PREX1: variants seen among roughly 807,000 people sequenced by gnomAD.
PREX1 encodes the protein phosphatidylinositol-3,4,5-trisphosphate dependent Rac exchange factor 1.
Under a neutral mutation model 198.3 loss-of-function variants are expected in PREX1, and 41 were observed. The observed-to-expected ratio is 0.21, with a 90% CI of 0.16 to 0.27. PREX1 has a LOEUF of 0.27. Ranked by LOEUF, PREX1 falls within the 10% of genes least tolerant of loss-of-function variation. The pLI, the probability that PREX1 is intolerant of heterozygous loss-of-function variation, is 1.00. For missense variants in PREX1, 1,620 were observed against 2,200.7 expected (o/e 0.74, Z 5.28); for synonymous variants, 843 against 887.2 (o/e 0.95, Z 0.89).
chr20:48,649,552 G>A lies in PREX1; in HGVS notation c.3053C>T (p.Thr1018Ile), dbSNP rs751710329. 4 of 1,605,804 alleles carry A rather than the reference G, an allele frequency of 2.5e-6. No individual in the cohort carries two copies. The South Asian group carries it at 4.4e-5, about 18-fold the overall frequency. Reference protein sequence around the residue: ...EQGHLNPMSYTQHCITTMAAP... With the variant: ...EQGHLNPMSYIQHCITTMAAP... ...AGCCATGGTGGTGATGCAGTGCTGG[G>A]TGTACGACATGGGGTTCAGGTGGCC... The change falls in exon 25 of 40, where the codon ACC becomes ATC. Residue 1018 changes from threonine (T) to isoleucine (I), a missense_variant. By Grantham distance (89) the Thr-to-Ile change is moderately conservative (BLOSUM62 -1). This residue lies in a region of PREX1 where 514 missense variants were observed against 611.6 expected (regional missense o/e 0.84). Coordinates refer to ENST00000371941, the MANE Select transcript of PREX1 (RefSeq NM_020820.4).
intron 13 of PREX1, among the ~76,000 whole-genome samples, chr20:48,677,883 G>T (rs567405422): frequency 6.6e-6 from 1 of 151,856 alleles, no homozygotes; most frequent in African/African-American, 2.4e-5. Context: ...CTACTCGGGA[G>T]GCTGATGCAG....
intron 5 of PREX1, among the ~76,000 whole-genome samples, chr20:48,721,794 A>G (rs1412382020): frequency 6.6e-6 from 1 of 152,144 alleles, no homozygotes; most frequent in Non-Finnish European, 1.5e-5. Context: ...GCATGGGGGA[A>G]GTGAAGGCAT....
At chr20:48,875,525 C>A in the PREX1 span, among the ~76,000 whole-genome samples, 1 of 152,120 alleles carries the variant, frequency 6.6e-6, no homozygotes, top group Non-Finnish European at 1.5e-5. Context: ...AGGGCACAGT[C>A]AGGGCGGTAA....
In PREX1 at chr20:48,792,817, T is replaced by TACACACACAC. The variant is rs372512250; in HGVS notation, c.219+34815_219+34824dup. ...AAGCCAGATACAAAAAAAAAAAAAA[T>TACACACACAC]ACACACACACACACACACACACACA... On this transcript the variant is annotated intron_variant, in intron 1 of 39. Transcript: ENST00000371941. 9.5e-4 allele frequency among the ~76,000 whole-genome samples: 108 copies of TACACACACAC among 113,536 alleles called. 1 individual carries two copies. The highest frequency in any genetic ancestry group is 4.6e-3 in the Middle Eastern group (1 of 218). The allele number at this position is 113,536 out of a possible 152,430, so 74.5% of individuals were successfully genotyped here.
intron 29 of PREX1, among the ~76,000 whole-genome samples, chr20:48,641,405 T>C (rs2089409058): frequency 6.6e-6 from 1 of 152,172 alleles, no homozygotes; most frequent in Admixed American, 6.5e-5. Context: ...GGGAGTTCAA[T>C]AAGGTCCTTT....
At chr20:48,755,934 G>A (rs1317561478) in intron 1 of PREX1, among the ~76,000 whole-genome samples, 1 of 152,060 alleles carries the variant, frequency 6.6e-6, no homozygotes, top group Non-Finnish European at 1.5e-5. Flanking sequence ...TTCTGGATGG[G>A]AGGGGTACTA....
the PREX1 span, among the ~76,000 whole-genome samples, chr20:48,846,188 T>C: frequency 6.6e-6 from 1 of 152,158 alleles, no homozygotes; most frequent in Non-Finnish European, 1.5e-5. Flanking sequence ...AATCAAAGCC[T>C]GGCCTAGAGG....
At chr20:48,834,731 A>C in the PREX1 span, among the ~76,000 whole-genome samples, 1 of 151,828 alleles carries the variant, frequency 6.6e-6, no homozygotes, top group Non-Finnish European at 1.5e-5. Flanking sequence ...GGCTAATTTT[A>C]TTTTTTTTGT....
chr20:48,681,766 G>A (rs762438001), intron 10 of PREX1, among the ~76,000 whole-genome samples: 1 of 152,156 alleles, frequency 6.6e-6, no homozygotes, highest in Non-Finnish European at 1.5e-5. Flanking sequence ...AGGTAAGTGG[G>A]TAAGTGGATG....
intron 1 of PREX1, among the ~76,000 whole-genome samples, chr20:48,754,284 T>A (rs898411396): frequency 2.0e-5 from 3 of 152,196 alleles, no homozygotes; most frequent in Admixed American, 6.5e-5. Context: ...CAGAAGAGCC[T>A]AAGGCCCAGC....
At chr20:48,705,324 A>C (rs2089897876) in intron 6 of PREX1, among the ~76,000 whole-genome samples, 1 of 152,230 alleles carries the variant, frequency 6.6e-6, no homozygotes, top group Non-Finnish European at 1.5e-5. Flanking sequence ...AACCAGTCTC[A>C]CGACAAACAG....
intron 14 of PREX1, among the ~76,000 whole-genome samples, chr20:48,669,260 G>A (rs927035511): frequency 1.2e-4 from 18 of 151,864 alleles, no homozygotes; most frequent in African/African-American, 2.2e-4. Flanking sequence ...TCTCAGGGCC[G>A]TACCACCTCC....
At chr20:48,743,988 T>G (rs1026546728) in intron 3 of PREX1, among the ~76,000 whole-genome samples, 1 of 143,178 alleles carries the variant, frequency 7.0e-6, no homozygotes, top group Non-Finnish European at 1.5e-5. Flanking sequence ...AGAAGTGAGT[T>G]AGTGATGATG....
At chr20:48,679,003 G>C (rs2089728435) in intron 13 of PREX1, among the ~76,000 whole-genome samples, 1 of 152,194 alleles carries the variant, frequency 6.6e-6, no homozygotes, top group Non-Finnish European at 1.5e-5. Flanking sequence ...TAAGCAAAGG[G>C]AACAGCAGGC....
At position 48,655,351 on chromosome 20, in the gene PREX1, C is replaced by G. The variant is rs762298700; in HGVS notation, c.2148G>C (p.Pro716=). 1.3e-6 allele frequency: 2 copies of G among 1,593,120 alleles called. No individual in the cohort carries two copies. The highest frequency in any genetic ancestry group is 1.7e-6 in the Non-Finnish European group (2 of 1,167,940). ...CACGAATCTGGAAGCACAGTGTGTC[C>G]GGCTGGTCGGGGATTTTGATGATCC... ...AKEIIKIPDQ[P]DTLCFQIRGA... Residue 716 remains proline (P), a synonymous_variant, in exon 19 of 40, where the codon CCG becomes CCC. Transcript: ENST00000371941.
the PREX1 span, among the ~76,000 whole-genome samples, chr20:48,853,189 C>A: frequency 6.6e-6 from 1 of 152,120 alleles, no homozygotes; most frequent in Non-Finnish European, 1.5e-5. Context: ...GAAAGACTCA[C>A]CACATACTTC....
At position 48,657,051 on chromosome 20, in the gene PREX1, C is replaced by A; in HGVS notation, c.2112G>T (p.Thr704=). The part of the protein sequence containing the change: ...SRRPLRLLVA[T]KAKEIIKIPD... ...CCTGGGACACTCACTCTTTGGCCTT[C>A]GTGGCCACCAGGAGGCGCAGAGGGC... The change falls in exon 18 of 40, where the codon ACG becomes ACT. Residue 704 remains threonine (T), a synonymous_variant. Transcript: ENST00000371941. The A allele has an allele frequency of 6.3e-7, 1 of 1,594,182 alleles. No homozygotes were observed. Among genetic ancestry groups the A allele is most frequent in the South Asian group, 1.1e-5 (1 of 88,452 alleles).
intron 6 of PREX1, among the ~76,000 whole-genome samples, chr20:48,704,207 C>T (rs1816396337): frequency 6.6e-6 from 1 of 152,142 alleles, no homozygotes; most frequent in Non-Finnish European, 1.5e-5. Context: ...GAACTTGAAC[C>T]CAGACAAGCA....
the PREX1 span, among the ~76,000 whole-genome samples, chr20:48,878,465 G>A: frequency 2.0e-5 from 3 of 151,658 alleles, no homozygotes; most frequent in Admixed American, 1.3e-4. Flanking sequence ...TCAGCCTCCC[G>A]AGTAGCTGGG....
Sources: allele counts gnomAD v4.1 joint callset (sites outside exome capture counted in the v4.1 genomes callset), GRCh38; gene constraint gnomAD v4.1.1; regional missense constraint gnomAD v4.1.1; transcripts MANE v1.5; gene names NCBI Gene and HGNC (gene_info 2026-07-23, HGNC 2026-07-21).